The following ATXN7L1 variants were observed in gnomAD, a reference collection of about 807,000 sequenced individuals.
The protein encoded by ATXN7L1 is ataxin-7-like protein 1.
In ATXN7L1, 15 loss-of-function variants were observed where a neutral mutation model predicts 70.8. The ratio of observed to expected loss-of-function variants is 0.21; its 90% CI spans 0.14 to 0.33. The LOEUF is 0.33. Ranked by LOEUF, ATXN7L1 falls within the 10% of genes least tolerant of loss-of-function variation. The probability of loss-of-function intolerance (pLI) is 1.00; values close to 1 mark genes in which losing one functional copy is unlikely to be tolerated. For missense variants in ATXN7L1, 975 were observed against 1,097.1 expected (o/e 0.89, Z 1.57); for synonymous variants, 440 against 445.1 (o/e 0.99, Z 0.14).
rs948646886 is a variant in ATXN7L1, at chr7:105,638,330, T to C, written c.1202+23A>G. ...GTCACTTGACCAAGCATTCAGGGCT[T>C]CTATCGTCAAGGTGGTACTTACCTA... On this transcript the variant is annotated intron_variant, in intron 7 of 11. Coordinates refer to ENST00000419735, the MANE Select transcript of ATXN7L1 (RefSeq NM_020725.2). 5.5e-5 allele frequency: 84 copies of C among 1,539,022 alleles called. No individual in the cohort carries two copies. The African/African-American group carries it at 1.1e-3, about 20-fold the overall frequency.
At chr7:105,795,502 G>A (rs1218771285) in intron 2 of ATXN7L1, among the ~76,000 whole-genome samples, 1 of 152,156 alleles carries the variant, frequency 6.6e-6, no homozygotes, top group African/African-American at 2.4e-5. Flanking sequence ...TAGATGCTGC[G>A]TGCCTTTGAA....
At chr7:105,851,489 G>A (rs552840492) in intron 2 of ATXN7L1, among the ~76,000 whole-genome samples, 22 of 152,226 alleles carry the variant, frequency 1.4e-4, no homozygotes, top group African/African-American at 4.6e-4. Flanking sequence ...ATGTCAATAG[G>A]GCTAGATTTG....
chr7:105,817,644 C>T (rs1809390700), intron 2 of ATXN7L1, among the ~76,000 whole-genome samples: 1 of 152,124 alleles, frequency 6.6e-6, no homozygotes, highest in Non-Finnish European at 1.5e-5. Flanking sequence ...GGGCCAGGGG[C>T]AATGGCTCAC....
At chr7:105,784,460 T>C (rs1323110900) in intron 3 of ATXN7L1, among the ~76,000 whole-genome samples, 1 of 142,790 alleles carries the variant, frequency 7.0e-6, no homozygotes, top group Non-Finnish European at 1.5e-5. Flanking sequence ...ACACACACAC[T>C]TTTTTCAATT....
At chr7:105,694,177 A>G (rs184729189) in intron 3 of ATXN7L1, among the ~76,000 whole-genome samples, 2 of 152,036 alleles carry the variant, frequency 1.3e-5, no homozygotes, top group East Asian at 3.9e-4. Flanking sequence ...CCTCCCCAGT[A>G]TCTGGGTCTA....
chr7:105,704,401 T>G (rs1352162664), intron 3 of ATXN7L1, among the ~76,000 whole-genome samples: 1 of 152,310 alleles, frequency 6.6e-6, no homozygotes, highest in East Asian at 1.9e-4. Context: ...TGAGAACTGA[T>G]CTGCACAGAT....
intron 3 of ATXN7L1, among the ~76,000 whole-genome samples, chr7:105,766,621 C>T (rs1277244907): frequency 6.6e-6 from 1 of 152,084 alleles, no homozygotes; most frequent in African/African-American, 2.4e-5. Flanking sequence ...TGGTTACAAC[C>T]CCGAAGCCAG....
intron 2 of ATXN7L1, among the ~76,000 whole-genome samples, chr7:105,822,348 G>A (rs1200014591): frequency 6.6e-6 from 1 of 152,252 alleles, no homozygotes; most frequent in African/African-American, 2.4e-5. Context: ...GCTCTCCTGT[G>A]AATGGGGAGG....
At chr7:105,821,003 C>A (rs534458060) in intron 2 of ATXN7L1, among the ~76,000 whole-genome samples, 2 of 152,312 alleles carry the variant, frequency 1.3e-5, no homozygotes, top group South Asian at 4.1e-4. Context: ...GTACAGCCTG[C>A]AGAACTGTAA....
chr7:105,710,749 C>T (rs1490984699), intron 3 of ATXN7L1, among the ~76,000 whole-genome samples: 1 of 152,154 alleles, frequency 6.6e-6, no homozygotes, highest in Non-Finnish European at 1.5e-5. Flanking sequence ...ACCATCTGGC[C>T]AGTGCCACAC....
intron 2 of ATXN7L1, among the ~76,000 whole-genome samples, chr7:105,791,464 G>A (rs1563096348): frequency 6.6e-6 from 1 of 152,172 alleles, no homozygotes; most frequent in East Asian, 1.9e-4. Context: ...GGGCAGGCAG[G>A]ACCCTCAGTT....
At chr7:105,832,163 G>A (rs1388657496) in intron 2 of ATXN7L1, among the ~76,000 whole-genome samples, 1 of 152,140 alleles carries the variant, frequency 6.6e-6, no homozygotes, top group African/African-American at 2.4e-5. Flanking sequence ...AAGCTTTTAA[G>A]AATCTTGAGA....
At position 105,605,730 on chromosome 7, in the gene ATXN7L1, C is replaced by G. The variant is rs1436875886; in HGVS notation, c.*2122G>C. On this transcript the variant is annotated 3_prime_UTR_variant, in exon 12 of 12. Coordinates refer to ENST00000419735, the MANE Select transcript of ATXN7L1 (RefSeq NM_020725.2). Reference sequence around the variant, plus strand: ...ACTCAAAATAAATTATAAAAAACAACAGACCTCTGAAACCGAACAAGACAA... The same window carrying G: ...ACTCAAAATAAATTATAAAAAACAAGAGACCTCTGAAACCGAACAAGACAA... The G allele has an allele frequency of 2.6e-5, 4 of 152,118 alleles. No individual in the cohort carries two copies. The highest frequency in any genetic ancestry group is 5.9e-5 in the Non-Finnish European group (4 of 67,998). The allele number at this position is 152,118 out of a possible 1,614,324, so 9.4% of individuals were successfully genotyped here.
intron 5 of ATXN7L1, among the ~76,000 whole-genome samples, chr7:105,641,513 G>A (rs980748491): frequency 9.2e-5 from 14 of 152,162 alleles, no homozygotes; most frequent in African/African-American, 3.4e-4. Flanking sequence ...AACAATGTGC[G>A]GCAAAAAAAT....
intron 4 of ATXN7L1, among the ~76,000 whole-genome samples, chr7:105,662,561 T>C (rs1284904146): frequency 6.6e-6 from 1 of 152,206 alleles, no homozygotes; most frequent in Non-Finnish European, 1.5e-5. Context: ...TTTGGTGCCA[T>C]GGGGCTACAT....
intron 2 of ATXN7L1, among the ~76,000 whole-genome samples, chr7:105,793,821 A>G (rs1805593322): frequency 6.6e-6 from 1 of 152,228 alleles, no homozygotes; most frequent in South Asian, 2.1e-4. Flanking sequence ...GCCTGATCAC[A>G]GGCAGGGAGG....
At chr7:105,849,888 A>G (rs934953537) in intron 2 of ATXN7L1, among the ~76,000 whole-genome samples, 5 of 152,342 alleles carry the variant, frequency 3.3e-5, no homozygotes, top group South Asian at 2.1e-4. Context: ...GGCTACCACA[A>G]GAGCTTTCTG....
At chr7:105,800,625 T>G (rs1407970748) in intron 2 of ATXN7L1, among the ~76,000 whole-genome samples, 2 of 152,182 alleles carry the variant, frequency 1.3e-5, no homozygotes, top group African/African-American at 2.4e-5. Context: ...GAATCAAAGC[T>G]GCCTTAGACT....
intron 5 of ATXN7L1, among the ~76,000 whole-genome samples, chr7:105,641,921 T>C (rs1007778494): frequency 6.6e-6 from 1 of 152,076 alleles, no homozygotes; most frequent in Non-Finnish European, 1.5e-5. Context: ...GAGTAGACAA[T>C]AAAAATTACC....
Sources: gnomAD v4.1 joint callset for allele counts (sites outside exome capture counted in the v4.1 genomes callset) on GRCh38, gnomAD v4.1.1 for gene constraint, MANE v1.5 for transcripts, NCBI Gene and HGNC (gene_info 2026-07-23, HGNC 2026-07-21) for gene names.